The following KYNU variants were observed in gnomAD, a reference collection of about 807,000 sequenced individuals.
KYNU encodes the protein L-kynurenine hydrolase.
KYNU carries 54 observed loss-of-function variants against 59.2 expected under a neutral mutation model. The ratio of observed to expected loss-of-function variants is 0.91; its 90% CI spans 0.73 to 1.14. The LOEUF (loss-of-function observed/expected upper bound fraction) is 1.14. Ranked by LOEUF, KYNU falls within the 50% of genes most tolerant of loss-of-function variation. The probability of loss-of-function intolerance (pLI) is 0.00; values close to 1 mark genes in which losing one functional copy is unlikely to be tolerated. For missense variants in KYNU, 567 were observed against 554.4 expected, an observed-to-expected ratio of 1.02 and a Z score of -0.23; for synonymous variants, 177 against 192.0, an observed-to-expected ratio of 0.92 and a Z score of 0.65.
At chr2:142,999,760 T>A (rs891132562) in intron 10 of KYNU, among the ~76,000 whole-genome samples, 20 of 152,146 alleles carry the variant, frequency 1.3e-4, no homozygotes, top group African/African-American at 4.1e-4. Context: ...ATGTCATACA[T>A]CATAGAAGAG....
rs922530674 is a variant in KYNU, at chr2:143,043,804, AATAT to A, written c.*1638_*1641del. The A allele has an allele frequency of 7.5e-5, 11 of 146,828 alleles. No homozygotes were observed. In the East Asian group the frequency reaches 1.8e-3, roughly 23 times the overall value. 9.1% of individuals were successfully genotyped at this position (146,828 alleles called of 1,614,324 possible). A position where few individuals can be genotyped will look rare whatever the true frequency, so the allele number is the denominator to read the frequency against. ...ATTTATATTTTAATATATTTATATA[AATAT>A]ATATAAAGTATAATATATATAAAGT... On this transcript the variant is annotated 3_prime_UTR_variant, in exon 14 of 14. Transcript: ENST00000264170.
chr2:143,001,247 C>T (rs763151441), intron 10 of KYNU, among the ~76,000 whole-genome samples: 63 of 152,240 alleles, frequency 4.1e-4, no homozygotes, highest in Non-Finnish European at 7.6e-4. Context: ...ATTGAATATA[C>T]TTAATTACCC....
At chr2:142,894,184 A>G (rs776541383) in intron 2 of KYNU, among the ~76,000 whole-genome samples, 2 of 152,212 alleles carry the variant, frequency 1.3e-5, no homozygotes, top group Non-Finnish European at 2.9e-5. Context: ...AATGGGTTCA[A>G]AATTAGGCAA....
intron 10 of KYNU, among the ~76,000 whole-genome samples, chr2:143,028,493 T>C (rs1402234235): frequency 6.8e-6 from 1 of 148,058 alleles, no homozygotes; most frequent in East Asian, 2.2e-4. Context: ...CCACCCGCCT[T>C]GGCCTCCCAA....
intron 10 of KYNU, among the ~76,000 whole-genome samples, chr2:143,004,040 G>A (rs940589087): frequency 6.6e-6 from 1 of 152,154 alleles, no homozygotes; most frequent in Non-Finnish European, 1.5e-5. Flanking sequence ...ACTTCCAGAA[G>A]ACAGATTACT....
chr2:143,041,958 GA>G (rs1687069251), intron 13 of KYNU, 88 bp from the exon 14 acceptor site: 5 of 1,358,210 alleles, frequency 3.7e-6, no homozygotes, highest in Non-Finnish European at 5.2e-6. Context: ...AAATCATTAT[GA>G]AAGTGCTTTA....
intron 8 of KYNU, among the ~76,000 whole-genome samples, chr2:142,979,067 A>C (rs1376802444): frequency 6.6e-6 from 1 of 152,150 alleles, no homozygotes; most frequent in Non-Finnish European, 1.5e-5. Flanking sequence ...ATTTCAGCAC[A>C]GGCCCTATGT....
Position 143,049,020 on chromosome 2 carries a change from T to C in KYNU, c.*6848T>C, listed in dbSNP as rs1007328413. 6.6e-6 allele frequency: 1 copy of C among 152,216 alleles called. No individual in the cohort carries two copies. Among genetic ancestry groups the C allele is most frequent in the South Asian group, 2.1e-4 (1 of 4,834 alleles). 9.4% of individuals were successfully genotyped at this position (152,216 alleles called of 1,614,324 possible). A position where few individuals can be genotyped will look rare whatever the true frequency, so the allele number is the denominator to read the frequency against. On this transcript the variant is annotated 3_prime_UTR_variant, in exon 14 of 14. Coordinates refer to ENST00000264170, the MANE Select transcript of KYNU (RefSeq NM_003937.3). ...TTATTCTATTTCTTTATTTGCTGTC[T>C]ATCCAAGATTTGAGGATTAATTTTT...
At chr2:142,947,890 T>G in intron 4 of KYNU, 1 of 152,244 alleles carries the variant, frequency 6.6e-6, no homozygotes, top group East Asian at 1.9e-4. Flanking sequence ...TTCAGTTTGC[T>G]GCTGTCATGA....
Position 142,989,033 on chromosome 2 carries a change from G to A in KYNU, c.902+3012G>A, listed in dbSNP as rs914415048. ...AAATCAAATACCACCTGTGAGAAGA[G>A]TGATAAACAAAGAAAAGACCCAAAA... On this transcript the variant is annotated intron_variant, in intron 10 of 13. Coordinates refer to ENST00000264170, the MANE Select transcript of KYNU (RefSeq NM_003937.3). 3.8e-5 allele frequency: 26 copies of A among 678,932 alleles called. 1 individual carries two copies. Among genetic ancestry groups the A allele is most frequent in the African/African-American group, 2.9e-4 (16 of 54,888 alleles). 42.1% of individuals were successfully genotyped at this position (678,932 alleles called of 1,614,324 possible). A position where few individuals can be genotyped will look rare whatever the true frequency, so the allele number is the denominator to read the frequency against.
intron 2 of KYNU, among the ~76,000 whole-genome samples, chr2:142,898,374 T>A (rs1178961764): frequency 1.3e-5 from 2 of 151,986 alleles, no homozygotes; most frequent in South Asian, 2.1e-4. Context: ...CTCTCTTAGA[T>A]CATAGACCAC....
chr2:142,941,136 C>A (rs551141669), intron 4 of KYNU, among the ~76,000 whole-genome samples: 40 of 152,330 alleles, frequency 2.6e-4, no homozygotes, highest in African/African-American at 9.1e-4. Context: ...CACCTCTACT[C>A]CCTCTGATCA....
At chr2:142,979,999 A>G (rs1392208452) in intron 8 of KYNU, among the ~76,000 whole-genome samples, 1 of 152,034 alleles carries the variant, frequency 6.6e-6, no homozygotes, top group Non-Finnish European at 1.5e-5. Context: ...GCCCATTTTT[A>G]TGGTTATTAT....
Position 142,918,660 on chromosome 2 carries a change from A to G in KYNU, c.221A>G (p.Asn74Ser), listed in dbSNP as rs1447933131. The change falls in exon 3 of 14, where the codon AAT becomes AGT. Residue 74 changes from asparagine to serine, a missense_variant. By Grantham distance (46) the Asn-to-Ser change is conservative. Coordinates refer to ENST00000264170, the MANE Select transcript of KYNU (RefSeq NM_003937.3). Reference protein sequence around the residue: ...KDENAIYFLGNSLGLQPKMVK... With the variant: ...KDENAIYFLGSSLGLQPKMVK... Reference sequence around the variant, plus strand: ...GAAAATGCCATCTATTTCTTGGGAAATTCTCTTGGCCTTCAACCAAAAATG... The same window carrying G: ...GAAAATGCCATCTATTTCTTGGGAAGTTCTCTTGGCCTTCAACCAAAAATG... 4 of 1,611,600 alleles carry G rather than the reference A, an allele frequency of 2.5e-6. No homozygotes were observed. Among genetic ancestry groups the G allele is most frequent in the Admixed American group, 1.7e-5 (1 of 59,804 alleles).
chr2:142,988,413 G>A (rs1231755231), intron 10 of KYNU, among the ~76,000 whole-genome samples: 3 of 151,826 alleles, frequency 2.0e-5, no homozygotes, highest in African/African-American at 7.3e-5. Flanking sequence ...GCAGACCTTT[G>A]ATGAGCTGAC....
At chr2:142,915,633 A>G (rs1456455896) in intron 2 of KYNU, among the ~76,000 whole-genome samples, 1 of 152,220 alleles carries the variant, frequency 6.6e-6, no homozygotes, top group African/African-American at 2.4e-5. Flanking sequence ...TTTCAGAACC[A>G]TGAGCTTTAT....
intron 2 of KYNU, among the ~76,000 whole-genome samples, chr2:142,892,008 A>T (rs1681733261): frequency 6.6e-6 from 1 of 151,914 alleles, no homozygotes; most frequent in South Asian, 2.1e-4. Context: ...CACCCCCTGA[A>T]CTCAAAGAAT....
At chr2:142,947,137 A>G (rs1398615931) in intron 4 of KYNU, 16 of 1,550,926 alleles carry the variant, frequency 1.0e-5, no homozygotes, top group Middle Eastern at 1.7e-4. Context: ...AACACAATCA[A>G]CCTGGAAATG....
chr2:142,991,201 TC>T lies in KYNU; in HGVS notation c.902+5182del, dbSNP rs1685388889. Among the ~76,000 whole-genome samples, 7 of 152,060 alleles carry T rather than the reference TC, an allele frequency of 4.6e-5. No individual in the cohort carries two copies. The South Asian group carries it at 1.5e-3, about 32-fold the overall frequency. ...TATATATTTCACTTCCATATGCTTT[TC>T]CAGGCAACAGTTGAGAATGCCATAG... On this transcript the variant is annotated intron_variant, in intron 10 of 13. Coordinates refer to ENST00000264170, the MANE Select transcript of KYNU (RefSeq NM_003937.3).
Sources: allele counts gnomAD v4.1 joint callset (sites outside exome capture counted in the v4.1 genomes callset), GRCh38; gene constraint gnomAD v4.1.1; transcripts MANE v1.5; gene names NCBI Gene and HGNC (gene_info 2026-07-23, HGNC 2026-07-21).